The following MCMDC2 variants were observed in gnomAD, a reference collection of about 807,000 sequenced individuals.
MCMDC2 encodes the protein minichromosome maintenance domain containing 2.
In MCMDC2, 54 loss-of-function variants were observed where a neutral mutation model predicts 75.8. The observed-to-expected ratio is 0.71, with a 90% confidence interval of 0.57 to 0.89. The LOEUF (loss-of-function observed/expected upper bound fraction) is 0.89, where lower values mean the gene tolerates loss of function less well. MCMDC2 is among the 40% of genes least tolerant of loss of function. The pLI, the probability that MCMDC2 is intolerant of heterozygous loss-of-function variation, is 0.00. For missense variants in MCMDC2, 656 were observed against 780.4 expected, an observed-to-expected ratio of 0.84 and a Z score of 1.90; for synonymous variants, 249 against 274.6, an observed-to-expected ratio of 0.91 and a Z score of 0.92.
intron 7 of MCMDC2, among the ~76,000 whole-genome samples, chr8:66,880,349 G>A (rs916990968): frequency 6.6e-6 from 1 of 152,162 alleles, no homozygotes; most frequent in African/African-American, 2.4e-5. Context: ...AACTGATTGT[G>A]CCACTGCACT....
chr8:66,900,473 G>C (rs1203058275), intron 12 of MCMDC2, among the ~76,000 whole-genome samples: 1 of 151,830 alleles, frequency 6.6e-6, no homozygotes, highest in Non-Finnish European at 1.5e-5. Context: ...AAATTTTATA[G>C]TTAATAGCAA....
chr8:66,874,647 AAT>A, intron 4 of MCMDC2, 61 bp downstream of exon 4: 1 of 1,385,418 alleles, frequency 7.2e-7, no homozygotes, highest in Non-Finnish European at 9.8e-7. Context: ...CTTGTAAAAA[AAT>A]ATTTTTATAT....
chr8:66,890,671 C>G (rs1034848977), intron 9 of MCMDC2, among the ~76,000 whole-genome samples, 194 bp from the exon 10 acceptor site: 11 of 152,232 alleles, frequency 7.2e-5, no homozygotes, highest in African/African-American at 2.6e-4. Context: ...CAGGCATGCA[C>G]TAGCATGTCT....
intron 1 of MCMDC2, among the ~76,000 whole-genome samples, chr8:66,873,718 T>G (rs1295528210): frequency 6.6e-6 from 1 of 152,008 alleles, no homozygotes; most frequent in African/African-American, 2.4e-5. Context: ...AAACCCCATC[T>G]CTACTAAAAA....
At chr8:66,925,810 A>G (rs1228803929), downstream of MCMDC2, among the ~76,000 whole-genome samples, 1 of 152,164 alleles carries the variant, frequency 6.6e-6, no homozygotes, top group Non-Finnish European at 1.5e-5. Context: ...GAGCTAGTCA[A>G]TGTTTAATTT....
Position 66,880,938 on chromosome 8 carries a change from A to G in MCMDC2, c.799A>G (p.Ile267Val), listed in dbSNP as rs147330618. ...AAAAACCTCACAAACTGCTGTCTGT[A>G]TAGAAGCAAATAGCATAACTTTTTG... is the stretch of plus-strand genomic sequence containing the variant. ...CVKTSQTAVC[I>V]EANSITFCNS... Residue 267 changes from isoleucine (I) to valine (V), a missense_variant, in exon 8 of 15, where the codon ATA (isoleucine) becomes GTA (valine). Physicochemically the swap from Ile to Val is conservative, Grantham distance 29. Coordinates refer to ENST00000422365, the MANE Select transcript of MCMDC2 (RefSeq NM_173518.5). 2 of 1,542,852 alleles carry G rather than the reference A, an allele frequency of 1.3e-6. No homozygotes were observed. Among genetic ancestry groups the G allele is most frequent in the Non-Finnish European group, 8.7e-7 (1 of 1,148,052 alleles).
chr8:66,903,104 A>G (rs1812773071), intron 13 of MCMDC2, among the ~76,000 whole-genome samples: 2 of 151,358 alleles, frequency 1.3e-5, no homozygotes, highest in Admixed American at 6.6e-5. Context: ...CCTGGGCAAC[A>G]AGAGTGAAAC....
In MCMDC2 at chr8:66,919,014, T is replaced by C; in HGVS notation, c.1891T>C (p.Phe631Leu). 6.5e-7 allele frequency: 1 copy of C among 1,527,488 alleles called. No homozygotes were observed. The highest frequency in any genetic ancestry group is 8.8e-7 in the Non-Finnish European group (1 of 1,135,816). The allele number at this position is 1,527,488 out of a possible 1,614,324, so 94.6% of individuals were successfully genotyped here. Residue 631 changes from phenylalanine to leucine, a missense_variant, in exon 15 of 15, where the codon TTT (phenylalanine) becomes CTT (leucine). Phe to Leu is a conservative substitution (Grantham distance 22). Coordinates refer to ENST00000422365, the MANE Select transcript of MCMDC2 (RefSeq NM_173518.5). ...TCTTCTTCATTTAGGGGCCACTGTA[T>C]TTTGTGTTGCTCCGAATGCAGTATT... The part of the protein sequence containing the change: ...SLTLKYGATV[F>L]CVAPNAVFPF...
At chr8:66,898,786 G>A (rs1223539545) in intron 12 of MCMDC2, among the ~76,000 whole-genome samples, 1 of 152,178 alleles carries the variant, frequency 6.6e-6, no homozygotes, top group Non-Finnish European at 1.5e-5. Flanking sequence ...CATTAGTTGG[G>A]CTGTAAGAAA....
In MCMDC2 at chr8:66,921,044, A is replaced by T. The variant is rs992237125; in HGVS notation, c.*1875A>T. 2.0e-5 allele frequency: 3 copies of T among 152,114 alleles called. No individual in the cohort carries two copies. The highest frequency in any genetic ancestry group is 4.4e-5 in the Non-Finnish European group (3 of 68,026). The allele number at this position is 152,114 out of a possible 1,614,324, so 9.4% of individuals were successfully genotyped here. On this transcript the variant is annotated 3_prime_UTR_variant, in exon 15 of 15. Coordinates refer to ENST00000422365, the MANE Select transcript of MCMDC2 (RefSeq NM_173518.5). ...CTGTCACCCAAGCTGTAGTGTACTG[A>T]TGCAATCATAGCTCACTGCCACCTT...
At chr8:66,894,779 T>C (rs756515545) in intron 10 of MCMDC2, among the ~76,000 whole-genome samples, 24 of 152,250 alleles carry the variant, frequency 1.6e-4, no homozygotes, top group Non-Finnish European at 3.2e-4. Flanking sequence ...AATTCCCCAC[T>C]GAAAGTGTAC....
chr8:66,873,542 TC>T (rs1244873474), intron 1 of MCMDC2, among the ~76,000 whole-genome samples: 1 of 152,178 alleles, frequency 6.6e-6, no homozygotes, highest in Non-Finnish European at 1.5e-5. Context: ...CATTTGAGGT[TC>T]CTGTTTTTAA....
chr8:66,925,033 TA>T (rs1813677016), downstream of MCMDC2, among the ~76,000 whole-genome samples: 2 of 152,150 alleles, frequency 1.3e-5, no homozygotes, highest in South Asian at 4.1e-4. Context: ...ACAAGCTGCC[TA>T]AGAGCCTGAA....
intron 8 of MCMDC2, among the ~76,000 whole-genome samples, 195 bp from the exon 9 acceptor site, chr8:66,883,562 G>T (rs1407963806): frequency 6.6e-6 from 1 of 152,002 alleles, no homozygotes; most frequent in Non-Finnish European, 1.5e-5. Context: ...GGGAGGTCAA[G>T]GCAGGGGAAT....
intron 9 of MCMDC2, among the ~76,000 whole-genome samples, chr8:66,886,785 AAAAAG>A (rs1811863297): frequency 6.6e-6 from 1 of 151,948 alleles, no homozygotes; most frequent in Non-Finnish European, 1.5e-5. Context: ...AAAAAAAAAA[AAAAAG>A]AAAGAAAGAA....
In MCMDC2 at chr8:66,905,233, C is replaced by A; in HGVS notation, c.1777C>A (p.Leu593Ile). 1 of 1,425,436 alleles carries A rather than the reference C, an allele frequency of 7.0e-7. No homozygotes were observed. The highest frequency in any genetic ancestry group is 1.7e-5 in the South Asian group (1 of 57,530). The allele number at this position is 1,425,436 out of a possible 1,614,324, so 88.3% of individuals were successfully genotyped here. A position where few individuals can be genotyped will look rare whatever the true frequency, so the allele number is the denominator to read the frequency against. The change falls in exon 14 of 15, where the codon CTA becomes ATA. Residue 593 changes from leucine (L) to isoleucine (I), a missense_variant. Leu to Ile is a conservative substitution (Grantham distance 5). Transcript: ENST00000422365. ...AACTATTTTCTTTTTTAGCGTTTTC[C>A]TATCTGAAGCCCATGCACGACTGAA... ...SASALKYLVFLSEAHARLNLR... is the reference protein window; with the variant it reads ...SASALKYLVFISEAHARLNLR...
In MCMDC2 at chr8:66,878,667, A is replaced by C; in HGVS notation, c.575A>C (p.Gln192Pro). 6.4e-7 allele frequency: 1 copy of C among 1,568,780 alleles called. No individual in the cohort carries two copies. The highest frequency in any genetic ancestry group is 1.2e-5 in the South Asian group (1 of 80,168). The change falls in exon 6 of 15, where the codon CAA becomes CCA. Residue 192 changes from glutamine to proline, a missense_variant. Coordinates refer to ENST00000422365, the MANE Select transcript of MCMDC2 (RefSeq NM_173518.5). ...TGTAATCTATGTGCATCTTCACTTCAAGAAGACAGAAAATTTAGAGTACTT... is the reference window on the plus strand; with the variant it reads ...TGTAATCTATGTGCATCTTCACTTCCAGAAGACAGAAAATTTAGAGTACTT... ...FLCNLCASSL[Q>P]EDRKFRVLGD...
chr8:66,907,058 G>A (rs532243603), intron 14 of MCMDC2, among the ~76,000 whole-genome samples: 18 of 152,086 alleles, frequency 1.2e-4, no homozygotes, highest in Non-Finnish European at 2.2e-4. Context: ...GTGAGCCACC[G>A]TGTCCCACCT....
At chr8:66,896,464 AC>A in intron 11 of MCMDC2, 128 bp downstream of exon 11, 1 of 845,182 alleles carries the variant, frequency 1.2e-6, no homozygotes, top group Admixed American at 3.4e-5. Context: ...CTACATGATG[AC>A]CCAGTTGTTT....
Sources: allele counts gnomAD v4.1 joint callset (sites outside exome capture counted in the v4.1 genomes callset), GRCh38; gene constraint gnomAD v4.1.1; transcripts MANE v1.5; gene names NCBI Gene and HGNC (gene_info 2026-07-23, HGNC 2026-07-21).